ACSM5: variants seen among roughly 807,000 people sequenced by gnomAD.
ACSM5 encodes the protein acyl-CoA synthetase medium chain family member 5.
Under a neutral mutation model 71.6 loss-of-function variants are expected in ACSM5, and 56 were observed. That is an observed-to-expected ratio of 0.78 (90% CI 0.63 to 0.98). The LOEUF is 0.98. Among genes scored for constraint, ACSM5 ranks in the 50% least tolerant of loss-of-function variants. The probability of loss-of-function intolerance (pLI) is 0.00; values close to 1 mark genes in which losing one functional copy is unlikely to be tolerated. For missense variants in ACSM5, 723 were observed against 726.0 expected, an observed-to-expected ratio of 1.00 and a Z score of 0.05; for synonymous variants, 285 against 281.5, an observed-to-expected ratio of 1.01 and a Z score of -0.12.
intron 10 of ACSM5, among the ~76,000 whole-genome samples, chr16:20,436,097 T>TTTCC: frequency 8.6e-6 from 1 of 116,180 alleles, no homozygotes; most frequent in Non-Finnish European, 1.8e-5. Context: ...TCCTTTTCTC[T>TTTCC]TTCTTTCTTT....
intron 1 of ACSM5, among the ~76,000 whole-genome samples, chr16:20,410,818 T>C (rs1464338732): frequency 6.6e-6 from 1 of 152,170 alleles, no homozygotes; most frequent in Non-Finnish European, 1.5e-5. Flanking sequence ...CAGCAGCCAC[T>C]TGTGGCTTTT....
chr16:20,432,292 G>A (rs1360180025), intron 10 of ACSM5, among the ~76,000 whole-genome samples: 1 of 152,100 alleles, frequency 6.6e-6, no homozygotes, highest in Non-Finnish European at 1.5e-5. Context: ...TTTCCCAGGC[G>A]ATTCGAATGT....
chr16:20,432,697 T>G (rs1392191575), intron 10 of ACSM5, among the ~76,000 whole-genome samples: 7 of 152,154 alleles, frequency 4.6e-5, no homozygotes, highest in Admixed American at 4.6e-4. Flanking sequence ...TGGTACTTAC[T>G]GCACTTGTAC....
rs1967309961 is a variant in ACSM5, at chr16:20,440,651, G to A, written c.*224G>A. On this transcript the variant is annotated 3_prime_UTR_variant, in exon 14 of 14. Coordinates refer to ENST00000331849, the MANE Select transcript of ACSM5 (RefSeq NM_017888.3). Reference sequence around the variant, plus strand: ...CTGCGCCGCCTAGCAAATGCTTGGTGGTTCGACTTCTCCCTCTGTCTGGGG... The same window carrying A: ...CTGCGCCGCCTAGCAAATGCTTGGTAGTTCGACTTCTCCCTCTGTCTGGGG... The A allele has an allele frequency of 2.1e-6, 1 of 481,658 alleles. No homozygotes were observed. The highest frequency in any genetic ancestry group is 3.9e-6 in the Non-Finnish European group (1 of 256,400). The allele number at this position is 481,658 out of a possible 1,614,324, so 29.8% of individuals were successfully genotyped here.
chr16:20,414,840 G>A (rs573463225), intron 2 of ACSM5, among the ~76,000 whole-genome samples: 8 of 152,280 alleles, frequency 5.3e-5, no homozygotes, highest in African/African-American at 1.7e-4. Flanking sequence ...CAAAAAGAAA[G>A]GAGGAGTATG....
At chr16:20,414,451 T>C (rs532206506) in intron 2 of ACSM5, among the ~76,000 whole-genome samples, 1 of 152,218 alleles carries the variant, frequency 6.6e-6, no homozygotes, top group South Asian at 2.1e-4. Flanking sequence ...AACTAGAAAA[T>C]GCAAGGACAC....
At chr16:20,432,793 T>G (rs1161867866) in intron 10 of ACSM5, among the ~76,000 whole-genome samples, 2 of 152,140 alleles carry the variant, frequency 1.3e-5, no homozygotes, top group African/African-American at 4.8e-5. Context: ...CTAGTTTTTT[T>G]GACTGTTTCT....
Position 20,439,870 on chromosome 16 carries a change from T to C in ACSM5, c.1607T>C (p.Leu536Pro). The C allele has an allele frequency of 6.2e-7, 1 of 1,612,380 alleles. No homozygotes were observed. Among genetic ancestry groups the C allele is most frequent in the Non-Finnish European group, 8.5e-7 (1 of 1,178,762 alleles). The stretch of plus-strand genomic sequence containing the variant: ...GACCCAGAGGCACTAACGCGGGAAC[T>C]CCAGGAGCATGTGAAAAGGGTGACT... ...SHDPEALTRE[L>P]QEHVKRVTAP... Residue 536 changes from leucine to proline, a missense_variant, in exon 13 of 14, where the codon CTC (leucine) becomes CCC (proline). Transcript: ENST00000331849.
At chr16:20,418,583 G>T (rs1016784890) in intron 3 of ACSM5, among the ~76,000 whole-genome samples, 1 of 152,118 alleles carries the variant, frequency 6.6e-6, no homozygotes, top group Non-Finnish European at 1.5e-5. Flanking sequence ...GAATACCAGT[G>T]TTATCAGAAC....
At position 20,440,411 on chromosome 16, in the gene ACSM5, A is replaced by G. The variant is rs1353313331; in HGVS notation, c.1724A>G (p.Gln575Arg). ...ATCCAAAGGAGTAAATTGCGAAGTC[A>G]GGAGTGGGGGAAATGAGGTGCACCC... Reference protein sequence around the residue: ...GKIQRSKLRSQEWGK With the variant: ...GKIQRSKLRSREWGK Residue 575 changes from glutamine to arginine, a missense_variant, in exon 14 of 14, where the codon CAG becomes CGG. By Grantham distance (43) the Gln-to-Arg change is conservative. Transcript: ENST00000331849. The G allele has an allele frequency of 4.3e-6, 7 of 1,610,866 alleles. No individual in the cohort carries two copies. The East Asian group carries it at 6.7e-5, about 15-fold the overall frequency.
intron 10 of ACSM5, among the ~76,000 whole-genome samples, chr16:20,436,080 C>T (rs1373425705): frequency 8.8e-6 from 1 of 113,348 alleles, no homozygotes; most frequent in Non-Finnish European, 1.8e-5. Context: ...CCTTCTTCTT[C>T]CTTCCTTCCT....
At chr16:20,419,571 C>T (rs34623230) in intron 4 of ACSM5, 136 bp downstream of exon 4, 113 of 816,902 alleles carry the variant, frequency 1.4e-4, no homozygotes, top group South Asian at 4.7e-4. Flanking sequence ...CCAGGCTGAC[C>T]TGAGCATAAT....
At chr16:20,440,133 C>T (rs1305716726) in intron 13 of ACSM5, 2 of 686,476 alleles carry the variant, frequency 2.9e-6, no homozygotes, top group Non-Finnish European at 5.0e-6. Flanking sequence ...TGATCCCTAC[C>T]ACAAATCAGA....
Position 20,440,608 on chromosome 16 carries a change from G to T in ACSM5, c.*181G>T. 8.4e-6 allele frequency: 5 copies of T among 593,054 alleles called. No homozygotes were observed. Among genetic ancestry groups the T allele is most frequent in the Non-Finnish European group, 1.5e-5 (5 of 325,828 alleles). 36.7% of individuals were successfully genotyped at this position (593,054 alleles called of 1,614,324 possible). ...TGGAAAGAGCAAAAGAATATCATTG[G>T]CCCTGATCACATAGATGCTGCGCCG... is the stretch of plus-strand genomic sequence containing the variant. On this transcript the variant is annotated 3_prime_UTR_variant, in exon 14 of 14. Transcript: ENST00000331849.
intron 10 of ACSM5, among the ~76,000 whole-genome samples, chr16:20,432,801 T>C (rs1967124889): frequency 6.6e-6 from 1 of 150,546 alleles, no homozygotes; most frequent in East Asian, 2.0e-4. Context: ...TTTGACTGTT[T>C]CTTTCCGTCA....
chr16:20,431,951 A>ATAATAATAATAATAATAATAATAATAAT (rs1212880644), intron 10 of ACSM5, among the ~76,000 whole-genome samples: 17 of 141,588 alleles, frequency 1.2e-4, no homozygotes, highest in African/African-American at 2.7e-4. Context: ...TATCAAAAAA[A>ATAATAATAATAATAATAATAATAATAAT]AAAAATAATA....
intron 2 of ACSM5, among the ~76,000 whole-genome samples, chr16:20,414,227 G>C (rs1225841183): frequency 6.6e-6 from 1 of 152,296 alleles, no homozygotes; most frequent in East Asian, 1.9e-4. Flanking sequence ...CTGTGAGTAT[G>C]TTATCTTACA....
chr16:20,438,431 G>T (rs1273997602), intron 12 of ACSM5, among the ~76,000 whole-genome samples: 1 of 151,756 alleles, frequency 6.6e-6, no homozygotes, highest in African/African-American at 2.4e-5. Context: ...GCAGCCCAGA[G>T]AATCTGCATT....
intron 2 of ACSM5, 138 bp downstream of exon 2, chr16:20,411,826 T>C: frequency 1.1e-6 from 1 of 894,146 alleles, no homozygotes. Flanking sequence ...ATGTAAACTG[T>C]TGGCATTTGA....
Sources: gnomAD v4.1 joint callset for allele counts (sites outside exome capture counted in the v4.1 genomes callset) on GRCh38, gnomAD v4.1.1 for gene constraint, MANE v1.5 for transcripts, NCBI Gene and HGNC (gene_info 2026-07-23, HGNC 2026-07-21) for gene names.